GPCPD1: variants seen among roughly 807,000 people sequenced by gnomAD.
The protein encoded by GPCPD1 is glycerophosphocholine phosphodiesterase 1.
In GPCPD1, 29 loss-of-function variants were observed where a neutral mutation model predicts 89.2. The ratio of observed to expected loss-of-function variants is 0.33; its 90% CI spans 0.24 to 0.44. The LOEUF (loss-of-function observed/expected upper bound fraction) is 0.44. Ranked by LOEUF, GPCPD1 falls within the 20% of genes least tolerant of loss-of-function variation. GPCPD1 has a pLI of 1.00. For missense variants in GPCPD1, 594 were observed against 808.9 expected (o/e 0.73, Z 3.22); for synonymous variants, 258 against 266.3 (o/e 0.97, Z 0.30).
At chr20:5,594,494 G>A (rs1373682242) in intron 3 of GPCPD1, among the ~76,000 whole-genome samples, 2 of 152,000 alleles carry the variant, frequency 1.3e-5, no homozygotes, top group African/African-American at 4.8e-5. Context: ...GGGTTTCACC[G>A]CATTAGCCAG....
intron 12 of GPCPD1, chr20:5,567,794 T>C (rs1986478041): frequency 1.7e-5 from 6 of 353,712 alleles, no homozygotes; most frequent in South Asian, 6.0e-5. Context: ...CAGTGTAGAA[T>C]ACCTGGAAGG....
intron 10 of GPCPD1, among the ~76,000 whole-genome samples, chr20:5,575,094 A>C (rs1568658556): frequency 6.7e-6 from 1 of 149,330 alleles, no homozygotes; most frequent in Non-Finnish European, 1.5e-5. Flanking sequence ...ATAGATGCGG[A>C]AACTCAGACT....
intron 6 of GPCPD1, among the ~76,000 whole-genome samples, chr20:5,584,028 T>TA (rs1189837700): frequency 1.3e-5 from 2 of 152,230 alleles, no homozygotes; most frequent in Non-Finnish European, 2.9e-5. Flanking sequence ...ATGCATTGCT[T>TA]AACAATGAAG....
At chr20:5,604,053 C>T (rs1344981685) in intron 2 of GPCPD1, among the ~76,000 whole-genome samples, 2 of 152,146 alleles carry the variant, frequency 1.3e-5, no homozygotes, top group Non-Finnish European at 2.9e-5. Context: ...GGCCTACCAA[C>T]TTCTTGCACT....
At chr20:5,574,147 A>C (rs1978284923) in intron 10 of GPCPD1, 178 bp from the exon 11 acceptor site, 6 of 587,460 alleles carry the variant, frequency 1.0e-5, no homozygotes, top group Non-Finnish European at 1.8e-5. Context: ...CCTTAAATGC[A>C]AGCTCTGACA....
chr20:5,596,383 C>A (rs774668072), intron 3 of GPCPD1, among the ~76,000 whole-genome samples: 1 of 151,890 alleles, frequency 6.6e-6, no homozygotes, highest in Non-Finnish European at 1.5e-5. Context: ...CAGAATGAGA[C>A]CCTGTCTAAA....
chr20:5,598,555 T>C (rs901218528), intron 3 of GPCPD1, among the ~76,000 whole-genome samples, 170 bp downstream of exon 3: 6 of 151,570 alleles, frequency 4.0e-5, no homozygotes, highest in African/African-American at 1.2e-4. Flanking sequence ...GAGAGGAACC[T>C]GTTTTTCCCA....
intron 1 of GPCPD1, among the ~76,000 whole-genome samples, chr20:5,607,223 G>A (rs1438693236): frequency 6.6e-6 from 1 of 152,112 alleles, no homozygotes; most frequent in Admixed American, 6.6e-5. Context: ...GGAGGCAGAA[G>A]TTGCAGTGAG....
chr20:5,551,967 ATT>A (rs1233630379), intron 19 of GPCPD1, among the ~76,000 whole-genome samples: 7 of 152,168 alleles, frequency 4.6e-5, no homozygotes, highest in African/African-American at 1.7e-4. Flanking sequence ...TGATATCTAA[ATT>A]TGATAATGGA....
At chr20:5,582,342 A>G (rs1323578624) in intron 6 of GPCPD1, among the ~76,000 whole-genome samples, 1 of 152,130 alleles carries the variant, frequency 6.6e-6, no homozygotes, top group East Asian at 1.9e-4. Flanking sequence ...GATGTAATAT[A>G]AACAATCCCA....
intron 4 of GPCPD1, among the ~76,000 whole-genome samples, chr20:5,588,332 C>T (rs2122731138): frequency 6.6e-6 from 1 of 151,072 alleles, no homozygotes; most frequent in East Asian, 2.0e-4. Context: ...TAGTGAAACC[C>T]CATCTCTACT....
chr20:5,577,151 G>A (rs562483201), intron 8 of GPCPD1, among the ~76,000 whole-genome samples: 6 of 137,784 alleles, frequency 4.4e-5, no homozygotes, highest in Admixed American at 2.4e-4. Context: ...TGCAACCTCC[G>A]CCTCCCAGGT....
Position 5,547,579 on chromosome 20 carries a change from T to C in GPCPD1, c.*82A>G, listed in dbSNP as rs1276524294. 5 of 678,638 alleles carry C rather than the reference T, an allele frequency of 7.4e-6. No homozygotes were observed. Among genetic ancestry groups the C allele is most frequent in the Non-Finnish European group, 1.0e-5 (4 of 390,990 alleles). The allele number at this position is 678,638 out of a possible 1,614,324, so 42.0% of individuals were successfully genotyped here. On this transcript the variant is annotated 3_prime_UTR_variant, in exon 20 of 20. Transcript: ENST00000379019. ...ATTGAACTGAGAAGCCCAAAAGGCA[T>C]AGATCAACAATGCTCAGTGATGAAA... is the stretch of plus-strand genomic sequence containing the variant.
intron 6 of GPCPD1, among the ~76,000 whole-genome samples, chr20:5,581,259 ATTC>A (rs1392507804): frequency 1.3e-5 from 2 of 152,238 alleles, no homozygotes; most frequent in African/African-American, 4.8e-5. Context: ...GTAGTCTTAA[ATTC>A]TTCATTAAAA....
chr20:5,558,774 T>G lies in GPCPD1; in HGVS notation c.1578A>C (p.Gln526His). 1 of 1,590,888 alleles carries G rather than the reference T, an allele frequency of 6.3e-7. No individual in the cohort carries two copies. Among genetic ancestry groups the G allele is most frequent in the South Asian group, 1.1e-5 (1 of 88,186 alleles). ...GTTCAGGATAAATCTCAGATTTTCC[T>G]TGAGTTAAAAATAGTATCGGATATT... The part of the protein sequence containing the change: ...QNKYPILFLT[Q>H]GKSEIYPELM... The change falls in exon 18 of 20, where the codon CAA becomes CAC. Residue 526 changes from glutamine to histidine, a missense_variant. Gln to His is a conservative substitution (Grantham distance 24, BLOSUM62 0). Coordinates refer to ENST00000379019, the MANE Select transcript of GPCPD1 (RefSeq NM_019593.5).
intron 1 of GPCPD1, among the ~76,000 whole-genome samples, chr20:5,608,728 A>T (rs946895586): frequency 6.6e-6 from 1 of 152,232 alleles, no homozygotes; most frequent in Non-Finnish European, 1.5e-5. Flanking sequence ...AGCTGACCAG[A>T]TAATTTAACC....
chr20:5,592,704 A>G (rs1243032782), intron 4 of GPCPD1, among the ~76,000 whole-genome samples: 1 of 152,218 alleles, frequency 6.6e-6, no homozygotes, highest in Non-Finnish European at 1.5e-5. Flanking sequence ...TCAGCAAATA[A>G]GTATCTTTAG....
intron 4 of GPCPD1, among the ~76,000 whole-genome samples, chr20:5,586,984 T>C (rs1312615383): frequency 6.6e-6 from 1 of 152,172 alleles, no homozygotes; most frequent in Non-Finnish European, 1.5e-5. Flanking sequence ...AGTGTGACAA[T>C]TCCTCATACT....
chr20:5,595,063 C>T (rs1376432078), intron 3 of GPCPD1, among the ~76,000 whole-genome samples: 1 of 152,174 alleles, frequency 6.6e-6, no homozygotes, highest in Non-Finnish European at 1.5e-5. Context: ...TCAGCAACCA[C>T]GACTCTGATC....
Sources: allele counts gnomAD v4.1 joint callset (sites outside exome capture counted in the v4.1 genomes callset), GRCh38; gene constraint gnomAD v4.1.1; transcripts MANE v1.5; gene names NCBI Gene and HGNC (gene_info 2026-07-23, HGNC 2026-07-21).